Variants in MAP2K5 observed in about 807,000 individuals in gnomAD.
MAP2K5 encodes the protein dual specificity mitogen-activated protein kinase kinase 5.
A neutral mutation model predicts 83.1 loss-of-function variants in MAP2K5; 49 were observed. The ratio of observed to expected loss-of-function variants is 0.59; its 90% CI spans 0.47 to 0.75. MAP2K5 has a LOEUF of 0.75. Among genes scored for constraint, MAP2K5 ranks in the 30% least tolerant of loss-of-function variants. The probability of loss-of-function intolerance (pLI) is 0.00; values close to 1 mark genes in which losing one functional copy is unlikely to be tolerated. For synonymous variants in MAP2K5, 202 were observed against 191.8 expected (o/e 1.05, Z -0.44); for missense variants, 457 against 557.5 (o/e 0.82, Z 1.82).
intron 2 of MAP2K5, among the ~76,000 whole-genome samples, chr15:67,554,239 T>G (rs895054365): frequency 3.9e-5 from 6 of 152,098 alleles, no homozygotes; most frequent in Non-Finnish European, 7.4e-5. Context: ...TTGTATATTT[T>G]GTAGAGATGG....
chr15:67,756,153 G>A (rs1046867537), intron 19 of MAP2K5, among the ~76,000 whole-genome samples: 1 of 152,140 alleles, frequency 6.6e-6, no homozygotes, highest in African/African-American at 2.4e-5. Flanking sequence ...GCTCCTACAA[G>A]GGACACTGTG....
Position 67,717,331 on chromosome 15 carries a change from A to C in MAP2K5, c.1045-10585A>C, listed in dbSNP as rs552736286. ...CACAAATATTAACCTAATCTCCAGT[A>C]TGTCTACTGTAATAGGAAGTAGGTA... On this transcript the variant is annotated intron_variant, in intron 16 of 21. Transcript: ENST00000178640. This position sits in a 1 kb window ranked among gnomAD's most constrained non-coding sequence, Gnocchi z 4.1. Among the ~76,000 whole-genome samples, 1 of 152,360 alleles carries C rather than the reference A, an allele frequency of 6.6e-6. No individual in the cohort carries two copies. Among genetic ancestry groups the C allele is most frequent in the East Asian group, 1.9e-4 (1 of 5,192 alleles).
At position 67,794,208 on chromosome 15, in the gene MAP2K5, C is replaced by T. The variant is rs1213956546; in HGVS notation, c.1243-12438C>T. ...ACCATCAAAAACGCATTTCAGGCTT[C>T]TGTACATTTAATTTTCTTCAACATT... On this transcript the variant is annotated intron_variant, in intron 21 of 21. Transcript: ENST00000178640. This position sits in a 1 kb window ranked among gnomAD's most constrained non-coding sequence, Gnocchi z 4.6. Among the ~76,000 whole-genome samples, 1 of 152,304 alleles carries T rather than the reference C, an allele frequency of 6.6e-6. No homozygotes were observed. Among genetic ancestry groups the T allele is most frequent in the East Asian group, 1.9e-4 (1 of 5,190 alleles).
chr15:67,670,579 T>A (rs1217504642), intron 13 of MAP2K5: 2 of 366,696 alleles, frequency 5.5e-6, no homozygotes, highest in Admixed American at 6.7e-5. Context: ...AAAGAAGTTT[T>A]CCCTGCCAAA....
intron 8 of MAP2K5, among the ~76,000 whole-genome samples, chr15:67,602,122 C>G (rs2085671632): frequency 6.6e-6 from 1 of 152,178 alleles, no homozygotes; most frequent in African/African-American, 2.4e-5. Flanking sequence ...ATTCTCTTTC[C>G]CTGGATCATA....
chr15:67,734,066 C>G (rs895074334), intron 17 of MAP2K5, among the ~76,000 whole-genome samples: 1 of 152,208 alleles, frequency 6.6e-6, no homozygotes, highest in Non-Finnish European at 1.5e-5. Flanking sequence ...TCAGCAGATT[C>G]TTGCTGTGCT....
Position 67,761,871 on chromosome 15 carries a change from G to A in MAP2K5, c.1135-7731G>A, listed in dbSNP as rs186550903. Among the ~76,000 whole-genome samples, 248 of 152,230 alleles carry A rather than the reference G, an allele frequency of 1.6e-3. 1 individual carries two copies. The highest frequency in any genetic ancestry group is 4.1e-3 in the Admixed American group (63 of 15,300). ...TTTAATCAGCACTTCTGTAGAACCA[G>A]CTGAAATGCCAGTGTGTATATTAAC... On this transcript the variant is annotated intron_variant, in intron 19 of 21. Transcript: ENST00000178640.
chr15:67,672,313 C>G (rs1426606415), intron 13 of MAP2K5, among the ~76,000 whole-genome samples: 1 of 151,974 alleles, frequency 6.6e-6, no homozygotes, highest in Non-Finnish European at 1.5e-5. Context: ...TCTACATCCT[C>G]TCCAGCACCT....
chr15:67,645,871 A>G (rs778827780), intron 9 of MAP2K5, among the ~76,000 whole-genome samples: 1 of 152,094 alleles, frequency 6.6e-6, no homozygotes, highest in Non-Finnish European at 1.5e-5. Context: ...TAATTCTTTT[A>G]TATTGGTTTG....
At chr15:67,751,798 A>G (rs1369967405) in intron 19 of MAP2K5, among the ~76,000 whole-genome samples, 2 of 152,132 alleles carry the variant, frequency 1.3e-5, no homozygotes, top group Non-Finnish European at 2.9e-5. Context: ...TGTGGGGTTT[A>G]CCTTATTCTT....
intron 16 of MAP2K5, among the ~76,000 whole-genome samples, chr15:67,710,194 C>G (rs960249304): frequency 4.6e-5 from 7 of 152,202 alleles, no homozygotes; most frequent in African/African-American, 1.7e-4. Context: ...ATAGCATACG[C>G]ATTTTGCTCT....
In MAP2K5 at chr15:67,785,942, A is replaced by G. The variant is rs1225970539; in HGVS notation, c.1242+13190A>G. ...CAGGCAACAGCTGTTTACTTAGCCC[A>G]TCTGAGCCTGAGCTGCTTCATCTGT... On this transcript the variant is annotated intron_variant, in intron 21 of 21. Transcript: ENST00000178640. This position sits in a 1 kb window ranked among gnomAD's most constrained non-coding sequence, Gnocchi z 4.4. Among the ~76,000 whole-genome samples the G allele has an allele frequency of 7.2e-5, 11 of 152,148 alleles. No individual in the cohort carries two copies. Among genetic ancestry groups the G allele is most frequent in the South Asian group, 4.1e-4 (2 of 4,830 alleles).
chr15:67,703,536 TG>T, intron 16 of MAP2K5, 128 bp downstream of exon 16: 1 of 709,938 alleles, frequency 1.4e-6, no homozygotes, highest in East Asian at 2.8e-5. Context: ...ATACAGAGTT[TG>T]ACCATAAAGT....
At chr15:67,545,109 C>T (rs146172002) in intron 1 of MAP2K5, among the ~76,000 whole-genome samples, 2 of 152,298 alleles carry the variant, frequency 1.3e-5, no homozygotes, top group African/African-American at 4.8e-5. Flanking sequence ...TCCAGGCTGT[C>T]TGCACTCTGC....
chr15:67,800,912 A>G (rs934555271), intron 21 of MAP2K5, among the ~76,000 whole-genome samples: 2 of 152,248 alleles, frequency 1.3e-5, no homozygotes, highest in Non-Finnish European at 2.9e-5. Flanking sequence ...AAAAGCTGCA[A>G]AAAGTAACAC....
At chr15:67,667,978 G>A (rs2087428755) in intron 13 of MAP2K5, among the ~76,000 whole-genome samples, 1 of 152,272 alleles carries the variant, frequency 6.6e-6, no homozygotes, top group South Asian at 2.1e-4. Flanking sequence ...CATGAGGCTT[G>A]TTAGTCTGGT....
In MAP2K5 at chr15:67,802,849, C is replaced by T. The variant is rs1469803688; in HGVS notation, c.1243-3797C>T. On this transcript the variant is annotated intron_variant, in intron 21 of 21. Coordinates refer to ENST00000178640, the MANE Select transcript of MAP2K5 (RefSeq NM_145160.3). This position sits in a 1 kb window ranked among gnomAD's most constrained non-coding sequence, Gnocchi z 5.0. ...GCTTGCCTGCATCTGGATTCCTCTG[C>T]CTGGGAGGGATGTACATTTCACCCA... Among the ~76,000 whole-genome samples the T allele has an allele frequency of 6.6e-6, 1 of 152,226 alleles. No individual in the cohort carries two copies. Among genetic ancestry groups the T allele is most frequent in the African/African-American group, 2.4e-5 (1 of 41,466 alleles).
At position 67,563,184 on chromosome 15, in the gene MAP2K5, G is replaced by T; in HGVS notation, c.185-99G>T. ...CATACCCCCAAAATGTGGTGTTGAG[G>T]GTTAGAATATCACATTGTAATAAAC... On this transcript the variant is annotated intron_variant, in intron 2 of 21. Coordinates refer to ENST00000178640, the MANE Select transcript of MAP2K5 (RefSeq NM_145160.3). This position sits in a 1 kb window ranked among gnomAD's most constrained non-coding sequence, Gnocchi z 4.5. 1 of 1,340,076 alleles carries T rather than the reference G, an allele frequency of 7.5e-7. No individual in the cohort carries two copies. Among genetic ancestry groups the T allele is most frequent in the Non-Finnish European group, 9.9e-7 (1 of 1,010,528 alleles). 83.0% of individuals were successfully genotyped at this position (1,340,076 alleles called of 1,614,324 possible).
chr15:67,671,875 A>T (rs1291697070), intron 13 of MAP2K5, among the ~76,000 whole-genome samples: 2 of 133,798 alleles, frequency 1.5e-5, no homozygotes, highest in African/African-American at 2.9e-5. Flanking sequence ...ATGTGTTCTC[A>T]TTGTTCAGTT....
Sources: gnomAD v4.1 joint callset for allele counts (sites outside exome capture counted in the v4.1 genomes callset) on GRCh38, gnomAD v4.1.1 for gene constraint, Gnocchi (gnomAD v3.1) non-coding constraint, MANE v1.5 for transcripts, NCBI Gene and HGNC (gene_info 2026-07-23, HGNC 2026-07-21) for gene names.